Variants in ATP2B2 observed in about 807,000 individuals in gnomAD.
ATP2B2 encodes the protein ATPase plasma membrane Ca2+ transporting 2.
In ATP2B2, 15 loss-of-function variants were observed where a neutral mutation model predicts 120.0. The ratio of observed to expected loss-of-function variants is 0.12; its 90% CI spans 0.08 to 0.19. ATP2B2 has a LOEUF of 0.19. Among genes scored for constraint, ATP2B2 ranks in the 10% least tolerant of loss-of-function variants. The pLI is 1.00. For missense variants in ATP2B2, 1,045 were observed against 1,719.8 expected, an observed-to-expected ratio of 0.61 and a Z score of 6.94; for synonymous variants, 694 against 700.3, an observed-to-expected ratio of 0.99 and a Z score of 0.14.
chr3:10,394,538 G>C (rs1449945607), intron 5 of ATP2B2: 1 of 471,058 alleles, frequency 2.1e-6, no homozygotes, highest in African/African-American at 2.0e-5. Flanking sequence ...AGAAGAGGCA[G>C]GGTAGTGTAA....
intron 2 of ATP2B2, among the ~76,000 whole-genome samples, chr3:10,551,676 T>A (rs2067672881): frequency 6.6e-6 from 1 of 152,258 alleles, no homozygotes; most frequent in African/African-American, 2.4e-5. Flanking sequence ...TGCTCACAAT[T>A]ATGTTTCATT....
At chr3:10,594,640 A>G (rs1295478705) in intron 2 of ATP2B2, among the ~76,000 whole-genome samples, 3 of 151,994 alleles carry the variant, frequency 2.0e-5, no homozygotes, top group African/African-American at 7.2e-5. Context: ...TGGGTGCAGC[A>G]CACCAACATG....
chr3:10,522,071 T>C (rs762392687), intron 3 of ATP2B2, among the ~76,000 whole-genome samples: 3 of 152,204 alleles, frequency 2.0e-5, no homozygotes, highest in Non-Finnish European at 2.9e-5. Flanking sequence ...AGGGGGATTA[T>C]GTGGGTGGGC....
At chr3:10,663,813 C>T (rs2070853308) in intron 1 of ATP2B2, among the ~76,000 whole-genome samples, 2 of 152,150 alleles carry the variant, frequency 1.3e-5, no homozygotes, top group Admixed American at 1.3e-4. Flanking sequence ...GGGGCTTCCC[C>T]TGGGGAGGCA....
intron 3 of ATP2B2, among the ~76,000 whole-genome samples, chr3:10,404,907 C>T (rs959479573): frequency 6.6e-6 from 1 of 152,224 alleles, no homozygotes; most frequent in Non-Finnish European, 1.5e-5. Flanking sequence ...TCCCCTGCCC[C>T]TTGCTATGTG....
At chr3:10,629,348 TATACATTATCTGGGTAC>T (rs374173529) in intron 1 of ATP2B2, among the ~76,000 whole-genome samples, 1,656 of 152,308 alleles carry the variant, frequency 0.011, 24 homozygotes, top group African/African-American at 0.036. Context: ...GATCTGGGTA[TATACATTATCTGGGTAC>T]ATACATTATC....
intron 2 of ATP2B2, among the ~76,000 whole-genome samples, chr3:10,435,469 G>A (rs947030371): frequency 6.6e-6 from 1 of 152,196 alleles, no homozygotes; most frequent in African/African-American, 2.4e-5. Flanking sequence ...CCATTTTGAG[G>A]TGAGGCCTAA....
chr3:10,398,912 GC>G (rs1453438716), intron 5 of ATP2B2, among the ~76,000 whole-genome samples: 1 of 152,038 alleles, frequency 6.6e-6, no homozygotes, highest in Non-Finnish European at 1.5e-5. Flanking sequence ...CCGAGACCCG[GC>G]CACCCTATGA....
At chr3:10,645,859 A>G (rs73812000) in intron 1 of ATP2B2, among the ~76,000 whole-genome samples, 5,819 of 152,258 alleles carry the variant, frequency 0.038, 145 homozygotes, top group South Asian at 0.084. Context: ...TCAAAGGGTG[A>G]GCTGGGAGGC....
At chr3:10,652,841 G>A (rs6785498) in intron 1 of ATP2B2, among the ~76,000 whole-genome samples, 44,872 of 152,086 alleles carry the variant, frequency 0.3, 10,951 homozygotes, top group African/African-American at 0.67. Flanking sequence ...TAAGCCGGTC[G>A]CAAGAGGACA....
At chr3:10,392,525 C>T (rs2061888117) in intron 5 of ATP2B2, among the ~76,000 whole-genome samples, 1 of 152,246 alleles carries the variant, frequency 6.6e-6, no homozygotes, top group Non-Finnish European at 1.5e-5. Flanking sequence ...AGTCAAAGCG[C>T]AGTGGGCTAA....
At chr3:10,704,244 G>A (rs919292101) in intron 1 of ATP2B2, among the ~76,000 whole-genome samples, 12 of 152,136 alleles carry the variant, frequency 7.9e-5, no homozygotes, top group African/African-American at 1.9e-4. Flanking sequence ...TATCACCTAC[G>A]TCTTAGGACT....
At chr3:10,408,974 G>A (rs1046526910) in intron 3 of ATP2B2, among the ~76,000 whole-genome samples, 2 of 152,076 alleles carry the variant, frequency 1.3e-5, no homozygotes, top group Non-Finnish European at 2.9e-5. Flanking sequence ...CTTAGCAAGC[G>A]ATTTGCTGTC....
At chr3:10,551,964 G>A (rs773638100) in intron 2 of ATP2B2, among the ~76,000 whole-genome samples, 1 of 152,240 alleles carries the variant, frequency 6.6e-6, no homozygotes, top group East Asian at 1.9e-4. Flanking sequence ...CAATGCCAAG[G>A]TTGCATAAGA....
At chr3:10,405,481 C>T (rs150374975) in intron 3 of ATP2B2, among the ~76,000 whole-genome samples, 3 of 152,208 alleles carry the variant, frequency 2.0e-5, no homozygotes, top group Admixed American at 6.5e-5. Flanking sequence ...GGAAGCTGTC[C>T]GACCCTAGGA....
chr3:10,558,909 C>G (rs760959172), intron 2 of ATP2B2, among the ~76,000 whole-genome samples: 7 of 152,184 alleles, frequency 4.6e-5, no homozygotes, highest in Middle Eastern at 6.8e-3. Context: ...GAAGGTGGCC[C>G]TGCACCCTCC....
intron 2 of ATP2B2, among the ~76,000 whole-genome samples, chr3:10,591,232 G>T (rs564644406): frequency 6.6e-6 from 1 of 152,136 alleles, no homozygotes; most frequent in Admixed American, 6.5e-5. Context: ...CAGGCACTGG[G>T]GATTCAGTGC....
chr3:10,494,646 G>A (rs1252493266), intron 1 of ATP2B2, among the ~76,000 whole-genome samples: 2 of 152,208 alleles, frequency 1.3e-5, no homozygotes, highest in Non-Finnish European at 2.9e-5. Context: ...TAACTGACCA[G>A]CACCCAATCA....
chr3:10,511,131 C>T lies in ATP2B2; in HGVS notation c.-320+22908G>A, dbSNP rs143403343. The stretch of plus-strand genomic sequence containing the variant: ...ACACTCTTGCATTTCCGTGCCTCTG[C>T]GTCTTTGCATGTGCCACCCCCTCTG... On this transcript the variant is annotated intron_variant, in intron 3 of 21. Coordinates refer to the ATP2B2 transcript ENST00000646379. Among the ~76,000 whole-genome samples, 25 of 152,262 alleles carry T rather than the reference C, an allele frequency of 1.6e-4. No individual in the cohort carries two copies. In the East Asian group the frequency reaches 3.1e-3, roughly 19 times the overall value.
Sources: allele counts gnomAD v4.1 joint callset (sites outside exome capture counted in the v4.1 genomes callset), GRCh38; gene constraint gnomAD v4.1.1; transcripts MANE v1.5; gene names NCBI Gene and HGNC (gene_info 2026-07-23, HGNC 2026-07-21).